OR1J2: variants seen among roughly 807,000 people sequenced by gnomAD.
OR1J2 encodes the protein olfactory receptor family 1 subfamily J member 2.
For synonymous variants in OR1J2, 142 were observed against 99.7 expected (o/e 1.42, Z -2.52); for missense variants, 304 against 246.1 (o/e 1.24, Z -1.57).
At chr9:122,553,550 T>C in the OR1J2 span, 1 of 1,614,150 alleles carries the variant, frequency 6.2e-7, no homozygotes, top group Non-Finnish European at 8.5e-7. Flanking sequence ...TTGGTGGCCT[T>C]GACAACTGCC....
At chr9:122,544,204 TA>T in the OR1J2 span, among the ~76,000 whole-genome samples, 1 of 151,840 alleles carries the variant, frequency 6.6e-6, no homozygotes, top group Admixed American at 6.6e-5. Flanking sequence ...TAATTTTTTT[TA>T]AATGATGAGG....
chr9:122,466,241 C>A, the OR1J2 span, among the ~76,000 whole-genome samples: 1 of 152,094 alleles, frequency 6.6e-6, no homozygotes. Flanking sequence ...ACAAAAACAA[C>A]AAAACTTCAT....
chr9:122,544,423 T>C, the OR1J2 span, among the ~76,000 whole-genome samples: 2,526 of 143,722 alleles, frequency 0.018, 75 homozygotes, highest in African/African-American at 0.062. Flanking sequence ...TTCTTTTTTT[T>C]TTTTTTTTTT....
the OR1J2 span, among the ~76,000 whole-genome samples, chr9:122,462,284 C>G: frequency 6.7e-6 from 1 of 149,594 alleles, no homozygotes; most frequent in Non-Finnish European, 1.5e-5. Context: ...TTTTCCATCC[C>G]TTGACCTTAA....
the OR1J2 span, among the ~76,000 whole-genome samples, chr9:122,463,502 G>T: frequency 6.6e-6 from 1 of 152,086 alleles, no homozygotes; most frequent in South Asian, 2.1e-4. Flanking sequence ...AAAGAACCTT[G>T]TTTTGTCATA....
chr9:122,465,208 C>A, the OR1J2 span, among the ~76,000 whole-genome samples: 1 of 152,068 alleles, frequency 6.6e-6, no homozygotes, highest in African/African-American at 2.4e-5. Flanking sequence ...AAAAATTTTG[C>A]GCGTCTGGGG....
the OR1J2 span, among the ~76,000 whole-genome samples, chr9:122,471,830 T>C: frequency 6.6e-6 from 1 of 152,026 alleles, no homozygotes; most frequent in African/African-American, 2.4e-5. Context: ...GCCAAAAAAA[T>C]AAGCTGGAGA....
chr9:122,525,645 A>G, the OR1J2 span, among the ~76,000 whole-genome samples: 2 of 152,146 alleles, frequency 1.3e-5, no homozygotes, highest in South Asian at 4.2e-4. Flanking sequence ...TAGTCACTAA[A>G]AGGATGGTGG....
chr9:122,578,753 G>A, the OR1J2 span, among the ~76,000 whole-genome samples: 1 of 152,140 alleles, frequency 6.6e-6, no homozygotes, highest in African/African-American at 2.4e-5. Context: ...TAGGAGCTGA[G>A]CTATGAGAAC....
the OR1J2 span, among the ~76,000 whole-genome samples, chr9:122,489,676 C>G: frequency 1.3e-5 from 2 of 152,140 alleles, no homozygotes; most frequent in East Asian, 1.9e-4. Flanking sequence ...TGGATGAATG[C>G]CTCAAGGGGC....
At chr9:122,526,794 CAGA>C in the OR1J2 span, 2 of 1,614,070 alleles carry the variant, frequency 1.2e-6, no homozygotes, top group Non-Finnish European at 1.7e-6. Context: ...CCCAGTCACA[CAGA>C]AGGACAACCG....
the OR1J2 span, among the ~76,000 whole-genome samples, chr9:122,545,873 A>G: frequency 3.2e-3 from 493 of 152,026 alleles, 3 homozygotes; most frequent in African/African-American, 0.011. Context: ...AATATAATAG[A>G]TGAATTGTGG....
the OR1J2 span, among the ~76,000 whole-genome samples, chr9:122,484,306 CA>C: frequency 1.3e-5 from 2 of 152,096 alleles, no homozygotes; most frequent in South Asian, 4.2e-4. Context: ...GGACAATAGG[CA>C]CGCACCACCA....
chr9:122,492,954 C>G, the OR1J2 span, among the ~76,000 whole-genome samples: 1 of 152,062 alleles, frequency 6.6e-6, no homozygotes, highest in South Asian at 2.1e-4. Flanking sequence ...TTTCCTGTGT[C>G]TATTGAGATC....
the OR1J2 span, among the ~76,000 whole-genome samples, chr9:122,542,288 G>C: frequency 6.6e-6 from 1 of 152,164 alleles, no homozygotes; most frequent in Non-Finnish European, 1.5e-5. Context: ...GAGTAAAGCT[G>C]ACAGAAATAT....
At chr9:122,491,053 G>A in the OR1J2 span, among the ~76,000 whole-genome samples, 1 of 152,252 alleles carries the variant, frequency 6.6e-6, no homozygotes, top group East Asian at 1.9e-4. Flanking sequence ...CATGATGTTA[G>A]AACTATATTG....
At chr9:122,500,414 CCT>C in the OR1J2 span, among the ~76,000 whole-genome samples, 1 of 152,300 alleles carries the variant, frequency 6.6e-6, no homozygotes, top group East Asian at 1.9e-4. Flanking sequence ...CCAGCATTCC[CCT>C]CTCTGGGATC....
chr9:122,553,380 C>A, the OR1J2 span: 2 of 1,614,020 alleles, frequency 1.2e-6, no homozygotes, highest in African/African-American at 2.7e-5. Flanking sequence ...CTCTGACCCA[C>A]ACCTCCATAC....
At chr9:122,471,714 C>G in the OR1J2 span, among the ~76,000 whole-genome samples, 1 of 152,138 alleles carries the variant, frequency 6.6e-6, no homozygotes, top group Non-Finnish European at 1.5e-5. Flanking sequence ...AGAATGCTGT[C>G]CTTAAAAGAT....
Sources: gnomAD v4.1 joint callset for allele counts (sites outside exome capture counted in the v4.1 genomes callset) on GRCh38, gnomAD v4.1.1 for gene constraint, MANE v1.5 for transcripts, NCBI Gene and HGNC (gene_info 2026-07-23, HGNC 2026-07-21) for gene names.